The following RCAN1 variants were observed in gnomAD, a reference collection of about 807,000 sequenced individuals.
RCAN1 encodes regulator of calcineurin 1.
RCAN1 carries 11 observed loss-of-function variants against 22.9 expected under a neutral mutation model. That is an observed-to-expected ratio of 0.48 (90% CI 0.30 to 0.79). The LOEUF (loss-of-function observed/expected upper bound fraction) is 0.79. Among genes scored for constraint, RCAN1 ranks in the 30% least tolerant of loss-of-function variants. The pLI is 0.06. For synonymous variants in RCAN1, 136 were observed against 142.3 expected (o/e 0.96, Z 0.32); for missense variants, 291 against 337.8 (o/e 0.86, Z 1.09).
intron 1 of RCAN1, among the ~76,000 whole-genome samples, chr21:34,603,667 C>G (rs1469240273): frequency 6.6e-6 from 1 of 152,102 alleles, no homozygotes; most frequent in Non-Finnish European, 1.5e-5. Context: ...CGGGATTCCA[C>G]AGTGCTTATT....
intron 1 of RCAN1, among the ~76,000 whole-genome samples, chr21:34,528,957 A>G (rs866009982): frequency 1.6e-5 from 1 of 63,088 alleles, no homozygotes; most frequent in Non-Finnish European, 3.9e-5. Context: ...TATGGATGGA[A>G]AAAAAAAAAA....
intron 1 of RCAN1, among the ~76,000 whole-genome samples, chr21:34,611,992 G>T (rs984120314): frequency 5.3e-5 from 8 of 152,094 alleles, no homozygotes; most frequent in Non-Finnish European, 1.0e-4. Context: ...CCCTAGAATT[G>T]GACATCAGTG....
intron 3 of RCAN1, among the ~76,000 whole-genome samples, chr21:34,520,891 C>T (rs1446989751): frequency 6.6e-6 from 1 of 152,224 alleles, no homozygotes; most frequent in Non-Finnish European, 1.5e-5. Flanking sequence ...GAGGAACCTA[C>T]CCCCTCCCCG....
Position 34,614,411 on chromosome 21 carries a change from C to A in RCAN1, c.252+349G>T. ...GGAATGAGGTGACCCCCTCCTCCAGCGAGTAAATGCGGGGCGATGGCGAGA... is the reference window on the plus strand; with the variant it reads ...GGAATGAGGTGACCCCCTCCTCCAGAGAGTAAATGCGGGGCGATGGCGAGA... On this transcript the variant is annotated intron_variant, in intron 1 of 3. Transcript: ENST00000313806. The surrounding 1 kb of genome is among the most constrained non-coding windows in gnomAD (Gnocchi z 6.0). The A allele has an allele frequency of 2.0e-6, 2 of 1,000,196 alleles. No individual in the cohort carries two copies. The highest frequency in any genetic ancestry group is 2.4e-6 in the Non-Finnish European group (2 of 839,824). The allele number at this position is 1,000,196 out of a possible 1,614,324, so 62.0% of individuals were successfully genotyped here. A position where few individuals can be genotyped will look rare whatever the true frequency, so the allele number is the denominator to read the frequency against.
intron 1 of RCAN1, among the ~76,000 whole-genome samples, chr21:34,534,725 T>C (rs1985585597): frequency 6.6e-6 from 1 of 151,874 alleles, no homozygotes; most frequent in Non-Finnish European, 1.5e-5. Context: ...TCACAGGAGG[T>C]GGTGTAGGGT....
rs143404093 is a variant in RCAN1, at chr21:34,584,803, C to T, written c.252+29957G>A. Among the ~76,000 whole-genome samples the T allele has an allele frequency of 2.5e-3, 378 of 152,334 alleles. 3 individuals are homozygous for T. Among genetic ancestry groups the T allele is most frequent in the African/African-American group, 8.4e-3 (351 of 41,574 alleles). The stretch of plus-strand genomic sequence containing the variant: ...AAATCAACCTGTACCCATAATTCTG[C>T]TTTCTGACTTTCACCAGAGGATTCA... On this transcript the variant is annotated intron_variant, in intron 1 of 3. Transcript: ENST00000313806.
At chr21:34,544,768 G>A (rs1011719710) in intron 1 of RCAN1, among the ~76,000 whole-genome samples, 1 of 152,196 alleles carries the variant, frequency 6.6e-6, no homozygotes, top group East Asian at 1.9e-4. Context: ...ACCCAGCCCT[G>A]CTGTCAGGAA....
chr21:34,560,251 C>G (rs983320499), intron 1 of RCAN1: 3 of 152,146 alleles, frequency 2.0e-5, no homozygotes, highest in Non-Finnish European at 4.4e-5. Context: ...TGCAGGCAGC[C>G]CATGAAAGTC....
chr21:34,603,840 T>C (rs7277304), intron 1 of RCAN1, among the ~76,000 whole-genome samples: 101,166 of 152,094 alleles, frequency 0.67, 34,545 homozygotes, highest in East Asian at 0.92. Flanking sequence ...TGATTGTAAG[T>C]ATAATTGATT....
chr21:34,534,519 C>T (rs189071455), intron 1 of RCAN1, among the ~76,000 whole-genome samples: 504 of 152,258 alleles, frequency 3.3e-3, no homozygotes, highest in African/African-American at 0.012. Flanking sequence ...TATTCTGCAG[C>T]TCCCCAGAGA....
intron 1 of RCAN1, among the ~76,000 whole-genome samples, chr21:34,562,243 T>A (rs763596953): frequency 6.6e-6 from 1 of 152,204 alleles, no homozygotes; most frequent in Non-Finnish European, 1.5e-5. Flanking sequence ...GGAGCACCGA[T>A]TTACTCTGCA....
intron 1 of RCAN1, among the ~76,000 whole-genome samples, chr21:34,574,168 A>G (rs1292810586): frequency 3.9e-5 from 6 of 152,242 alleles, no homozygotes; most frequent in African/African-American, 1.4e-4. Context: ...ATGTTTCAAG[A>G]GAGACAAAAA....
rs747238292 is a variant in RCAN1 at position 34,521,552 on chromosome 21, G to A, written c.533C>T (p.Ala178Val). The change falls in exon 3 of 4, where the codon GCG (alanine) becomes GTG (valine). Residue 178 changes from alanine (A) to valine (V), a missense_variant. Physicochemically the swap from Ala to Val is moderately conservative, Grantham distance 64. Transcript: ENST00000313806. Reference sequence around the variant, plus strand: ...GAGATCATAGTTTATGACTGGGGTCGCATCTTCCACTTGTTTCCATCCCAC... The same window carrying A: ...GAGATCATAGTTTATGACTGGGGTCACATCTTCCACTTGTTTCCATCCCAC... ...PPVGWKQVED[A>V]TPVINYDLLY... 7 of 1,614,068 alleles carry A rather than the reference G, an allele frequency of 4.3e-6. No individual in the cohort carries two copies. The highest frequency in any genetic ancestry group is 5.1e-6 in the Non-Finnish European group (6 of 1,180,032).
At position 34,614,519 on chromosome 21, in the gene RCAN1, G is replaced by A. The variant is rs1421993389; in HGVS notation, c.252+241C>T. ...ACCAGCCTGGGCGCACACGGGGGCCGGGGCGAGCCTGTGGGACTCTGCAGT... is the reference window on the plus strand; with the variant it reads ...ACCAGCCTGGGCGCACACGGGGGCCAGGGCGAGCCTGTGGGACTCTGCAGT... On this transcript the variant is annotated intron_variant, in intron 1 of 3. Coordinates refer to ENST00000313806, the MANE Select transcript of RCAN1 (RefSeq NM_004414.7). This position sits in a 1 kb window ranked among gnomAD's most constrained non-coding sequence, Gnocchi z 6.0. The A allele has an allele frequency of 1.9e-6, 2 of 1,043,684 alleles. No individual in the cohort carries two copies. The highest frequency in any genetic ancestry group is 1.2e-6 in the Non-Finnish European group (1 of 865,784). 64.7% of individuals were successfully genotyped at this position (1,043,684 alleles called of 1,614,324 possible). A position where few individuals can be genotyped will look rare whatever the true frequency, so the allele number is the denominator to read the frequency against.
intron 1 of RCAN1, among the ~76,000 whole-genome samples, chr21:34,611,874 T>TTAGCTC (rs1406584593): frequency 4.6e-5 from 7 of 152,184 alleles, no homozygotes; most frequent in African/African-American, 1.7e-4. Context: ...CGCTGTGACT[T>TTAGCTC]TAGCTCTCAG....
chr21:34,594,996 T>C (rs1490305337), intron 1 of RCAN1, among the ~76,000 whole-genome samples: 1 of 152,192 alleles, frequency 6.6e-6, no homozygotes, highest in Non-Finnish European at 1.5e-5. Flanking sequence ...CATGGGCAAG[T>C]TACTTCACCT....
chr21:34,537,285 T>G (rs548524332), intron 1 of RCAN1, among the ~76,000 whole-genome samples: 1 of 152,354 alleles, frequency 6.6e-6, no homozygotes, highest in African/African-American at 2.4e-5. Context: ...GGCACACATC[T>G]TTGCACCGAG....
chr21:34,560,626 T>C lies in RCAN1; in HGVS notation c.253-36916A>G, dbSNP rs192726277. 3.7e-3 allele frequency among the ~76,000 whole-genome samples: 557 copies of C among 152,328 alleles called. 1 individual carries two copies. The highest frequency in any genetic ancestry group is 5.6e-3 in the Non-Finnish European group (382 of 68,040). ...TAACGGAAACCATTTCTCAATTCTT[T>C]AATAATTTTAATACTTAATAATTAG... is the stretch of plus-strand genomic sequence containing the variant. On this transcript the variant is annotated intron_variant, in intron 1 of 3. Transcript: ENST00000313806.
intron 3 of RCAN1, among the ~76,000 whole-genome samples, chr21:34,520,841 A>C (rs1160592841): frequency 1.3e-5 from 2 of 152,216 alleles, no homozygotes; most frequent in African/African-American, 4.8e-5. Flanking sequence ...TACTGCTCAC[A>C]ATTCCACCAG....
Sources: allele counts gnomAD v4.1 joint callset (sites outside exome capture counted in the v4.1 genomes callset), GRCh38; gene constraint gnomAD v4.1.1; non-coding constraint Gnocchi (gnomAD v3.1); transcripts MANE v1.5; gene names NCBI Gene and HGNC (gene_info 2026-07-23, HGNC 2026-07-21).